Variants in CHD3 observed in about 807,000 individuals in gnomAD.
CHD3 encodes chromodomain helicase DNA binding protein 3.
CHD3 carries 52 observed loss-of-function variants against 248.9 expected under a neutral mutation model. The ratio of observed to expected loss-of-function variants is 0.21; its 90% CI spans 0.17 to 0.26. The LOEUF (loss-of-function observed/expected upper bound fraction) is 0.26. Ranked by LOEUF, CHD3 falls within the 10% of genes least tolerant of loss-of-function variation. CHD3 has a pLI of 1.00. For synonymous variants in CHD3, 985 were observed against 985.2 expected, an observed-to-expected ratio of 1.00 and a Z score of 0.00; for missense variants, 1,482 against 2,605.8, an observed-to-expected ratio of 0.57 and a Z score of 9.39.
Position 7,899,378 on chromosome 17 carries a change from A to G in CHD3, c.2379A>G (p.Pro793=). Residue 793 remains proline (P), a synonymous_variant, in exon 15 of 40, where the codon CCA becomes CCG. Transcript: ENST00000330494. The surrounding 1 kb of genome is among the most constrained non-coding windows in gnomAD (Gnocchi z 6.8). ...HTKGPFLVSA[P]LSTIINWERE... is the part of the protein sequence containing the mutation. ...AAGGTCCCTTCCTGGTGAGTGCCCCACTCTCTACCATCATTAACTGGGAGC... is the reference window on the plus strand; with the variant it reads ...AAGGTCCCTTCCTGGTGAGTGCCCCGCTCTCTACCATCATTAACTGGGAGC... 1 of 1,613,774 alleles carries G rather than the reference A, an allele frequency of 6.2e-7. No individual in the cohort carries two copies. Among genetic ancestry groups the G allele is most frequent in the East Asian group, 2.2e-5 (1 of 44,858 alleles).
At chr17:7,891,177 G>A (rs1968800169) in intron 4 of CHD3, 113 bp downstream of exon 4, 7 of 1,243,036 alleles carry the variant, frequency 5.6e-6, no homozygotes, top group South Asian at 5.5e-5. Context: ...AATTCACGGT[G>A]TATACACACC....
chr17:7,893,404 G>A lies in CHD3; in HGVS notation c.628G>A (p.Ala210Thr), dbSNP rs1969155341. ...CTTCAAGGGGTCAGCAGCTGCTGTG[G>A]CGGCGGCAGCGGCAGCAGCAGCAGC... ...NPFKGSAAAV[A>T]AAAAAAAAAV... Residue 210 changes from alanine to threonine, a missense_variant, in exon 5 of 40, where the codon GCG (alanine) becomes ACG (threonine). Physicochemically the swap from Ala to Thr is moderately conservative, Grantham distance 58 (BLOSUM62 0). Transcript: ENST00000330494. 6.2e-7 allele frequency: 1 copy of A among 1,611,842 alleles called. No individual in the cohort carries two copies. The highest frequency in any genetic ancestry group is 8.5e-7 in the Non-Finnish European group (1 of 1,179,308).
Position 7,889,859 on chromosome 17 carries a change from C to A in CHD3, c.213+83C>A. 7.4e-7 allele frequency: 1 copy of A among 1,343,604 alleles called. No homozygotes were observed. Among genetic ancestry groups the A allele is most frequent in the Non-Finnish European group, 1.0e-6 (1 of 961,484 alleles). 83.2% of individuals were successfully genotyped at this position (1,343,604 alleles called of 1,614,324 possible). ...CCTACATTTTCTCTGGTCCTGATTACTGGTGTGGGGGTGGGGTTCTGAAGC... is the reference window on the plus strand; with the variant it reads ...CCTACATTTTCTCTGGTCCTGATTAATGGTGTGGGGGTGGGGTTCTGAAGC... On this transcript the variant is annotated intron_variant, in intron 2 of 39. Coordinates refer to ENST00000330494, the MANE Select transcript of CHD3 (RefSeq NM_001005273.3). This position sits in a 1 kb window ranked among gnomAD's most constrained non-coding sequence, Gnocchi z 4.5.
rs1299241405 is a variant in CHD3 at position 7,901,380 on chromosome 17, C to T, written c.3252+5C>T. On this transcript the variant is annotated splice_donor_5th_base_variant and intron_variant, in intron 20 of 39. Coordinates refer to ENST00000330494, the MANE Select transcript of CHD3 (RefSeq NM_001005273.3). ...CGAGTGCTCATCTTCTCGCAGGTGACCTGTGCCCTTAGCTGTCTTTACATC... is the reference window on the plus strand; with the variant it reads ...CGAGTGCTCATCTTCTCGCAGGTGATCTGTGCCCTTAGCTGTCTTTACATC... The T allele has an allele frequency of 6.3e-7, 1 of 1,596,530 alleles. No homozygotes were observed. The highest frequency in any genetic ancestry group is 8.6e-7 in the Non-Finnish European group (1 of 1,169,236).
Position 7,904,983 on chromosome 17 carries a change from C to T in CHD3, c.4073-117C>T. 1 of 957,638 alleles carries T rather than the reference C, an allele frequency of 1.0e-6. No individual in the cohort carries two copies. Among genetic ancestry groups the T allele is most frequent in the Non-Finnish European group, 1.7e-6 (1 of 595,408 alleles). 59.3% of individuals were successfully genotyped at this position (957,638 alleles called of 1,614,324 possible). A position where few individuals can be genotyped will look rare whatever the true frequency, so the allele number is the denominator to read the frequency against. On this transcript the variant is annotated intron_variant, in intron 25 of 39. Transcript: ENST00000330494. This position sits in a 1 kb window ranked among gnomAD's most constrained non-coding sequence, Gnocchi z 4.4. ...AGTGATCTGGTGTTCCCAGAAGGAC[C>T]AAGGCCAGAATAAAGGTAGACAAGT...
rs1236440954 is a variant in CHD3, at chr17:7,906,619, C to T, written c.4425C>T (p.Ala1475=). 15 of 1,613,864 alleles carry T rather than the reference C, an allele frequency of 9.3e-6. No individual in the cohort carries two copies. The highest frequency in any genetic ancestry group is 6.7e-5 in the East Asian group (3 of 44,854). Residue 1475 remains alanine (A), a synonymous_variant, in exon 29 of 40, where the codon GCC becomes GCT. Transcript: ENST00000330494. The surrounding 1 kb of genome is among the most constrained non-coding windows in gnomAD (Gnocchi z 5.0). ...GGGCAGACGGCTCTGAAACCTTTGC[C>T]GATGGGGTCCCTCGGGAGGGACTGA... ...EPGADGSETF[A]DGVPREGLSR...
rs762974616 is a variant in CHD3, at chr17:7,906,969, C to A, written c.4604C>A (p.Thr1535Asn). 46 of 1,614,058 alleles carry A rather than the reference C, an allele frequency of 2.8e-5. No homozygotes were observed. The highest frequency in any genetic ancestry group is 3.8e-5 in the Non-Finnish European group (45 of 1,180,034). Residue 1535 changes from threonine (T) to asparagine (N), a missense_variant, in exon 30 of 40, where the codon ACC (threonine) becomes AAC (asparagine). Around this residue, in one of 20 missense-constraint regions of CHD3, gnomAD observed 254 missense variants for 266.7 expected, o/e 0.95. Coordinates refer to ENST00000330494, the MANE Select transcript of CHD3 (RefSeq NM_001005273.3). This position sits in a 1 kb window ranked among gnomAD's most constrained non-coding sequence, Gnocchi z 5.0. ...CGCTCCTCCAGAGCCTCCTCTCCTA[C>A]CAAAACGTCTCCCACCACTCCTGAG... ...SKRSSRASSP[T>N]KTSPTTPEAS... is the part of the protein sequence containing the mutation.
In CHD3 at chr17:7,911,938, C is replaced by A; in HGVS notation, c.*353C>A. On this transcript the variant is annotated 3_prime_UTR_variant, in exon 40 of 40. Coordinates refer to ENST00000330494, the MANE Select transcript of CHD3 (RefSeq NM_001005273.3). This position sits in a 1 kb window ranked among gnomAD's most constrained non-coding sequence, Gnocchi z 5.4. ...AGGTGGAGCCTCCCCAGCCGTTTCC[C>A]TGCAGAATCAGCTCTGTCTCATGTG... 2.6e-6 allele frequency: 1 copy of A among 379,562 alleles called. No homozygotes were observed. The highest frequency in any genetic ancestry group is 4.9e-6 in the Non-Finnish European group (1 of 202,656). 23.5% of individuals were successfully genotyped at this position (379,562 alleles called of 1,614,324 possible).
upstream of CHD3, among the ~76,000 whole-genome samples, chr17:7,887,852 T>G (rs555256217): frequency 6.6e-6 from 1 of 152,324 alleles, no homozygotes; most frequent in Admixed American, 6.5e-5. Flanking sequence ...AGGTTGGGAC[T>G]TAGATTTGCT....
Position 7,902,642 on chromosome 17 carries a change from C to T in CHD3, c.3285C>T (p.Phe1095=). 6.2e-7 allele frequency: 1 copy of T among 1,613,916 alleles called. No individual in the cohort carries two copies. Among genetic ancestry groups the T allele is most frequent in the Non-Finnish European group, 8.5e-7 (1 of 1,179,900 alleles). Reference sequence around the variant, plus strand: ...AAATGTTAGACTTGCTTGAGGACTTCTTAGACTATGAAGGCTACAAGTATG... The same window carrying T: ...AAATGTTAGACTTGCTTGAGGACTTTTTAGACTATGAAGGCTACAAGTATG... ...MTKMLDLLED[F]LDYEGYKYER... The change falls in exon 21 of 40, where the codon TTC becomes TTT. Residue 1095 remains phenylalanine (F), a synonymous_variant. Transcript: ENST00000330494.
rs781636257 is a variant in CHD3 at position 7,894,109 on chromosome 17, G to A, written c.925-6G>A. On this transcript the variant is annotated splice_polypyrimidine_tract_variant and splice_region_variant and intron_variant, in intron 6 of 39. Coordinates refer to ENST00000330494, the MANE Select transcript of CHD3 (RefSeq NM_001005273.3). ...GCCTCACTGACGGCCACGGGGCTAT[G>A]GGCAGTATGTTTTTCAGAGCGACGA... The A allele has an allele frequency of 1.4e-4, 218 of 1,612,732 alleles. 1 individual carries two copies. The highest frequency in any genetic ancestry group is 1.6e-4 in the Non-Finnish European group (191 of 1,179,270).
intron 4 of CHD3, 81 bp downstream of exon 4, chr17:7,891,145 G>A: frequency 6.7e-7 from 1 of 1,495,948 alleles, no homozygotes; most frequent in Admixed American, 1.8e-5. Context: ...TCTGATGAAA[G>A]CTATGAAACT....
chr17:7,895,684 A>T lies in CHD3; in HGVS notation c.1707+142A>T, dbSNP rs553732886. 46 of 699,620 alleles carry T rather than the reference A, an allele frequency of 6.6e-5. No homozygotes were observed. The South Asian group carries it at 8.5e-4, about 13-fold the overall frequency. The allele number at this position is 699,620 out of a possible 1,614,324, so 43.3% of individuals were successfully genotyped here. Reference sequence around the variant, plus strand: ...TGTGGCCTTCATACCCTACTTGCTTAGTTTCCATATGTGGTTCTTTTGGTC... The same window carrying T: ...TGTGGCCTTCATACCCTACTTGCTTTGTTTCCATATGTGGTTCTTTTGGTC... On this transcript the variant is annotated intron_variant, in intron 10 of 39. Transcript: ENST00000330494. This position sits in a 1 kb window ranked among gnomAD's most constrained non-coding sequence, Gnocchi z 4.9.
chr17:7,904,348 A>G lies in CHD3; in HGVS notation c.3895-94A>G. The G allele has an allele frequency of 2.5e-6, 3 of 1,217,560 alleles. No homozygotes were observed. Among genetic ancestry groups the G allele is most frequent in the Admixed American group, 2.0e-5 (1 of 49,004 alleles). 75.4% of individuals were successfully genotyped at this position (1,217,560 alleles called of 1,614,324 possible). ...GAAGCTGCAGGAGTGGGGAGACCGG[A>G]TTGGGCTGACGCAGCAGAGTAGGGA... is the stretch of plus-strand genomic sequence containing the variant. On this transcript the variant is annotated intron_variant, in intron 24 of 39. Coordinates refer to ENST00000330494, the MANE Select transcript of CHD3 (RefSeq NM_001005273.3). This position sits in a 1 kb window ranked among gnomAD's most constrained non-coding sequence, Gnocchi z 4.4.
Position 7,907,624 on chromosome 17 carries a change from AG to A in CHD3, c.4954del (p.Glu1652ArgfsTer27). On this transcript the variant is annotated frameshift_variant, in exon 33 of 40. Transcript: ENST00000330494. LOFTEE classifies it high-confidence loss of function. This position sits in a 1 kb window ranked among gnomAD's most constrained non-coding sequence, Gnocchi z 4.3. Reference protein sequence around the residue: ...KSATESTPGERGEEKPLDGQE... With the variant: ...KSATESTPGEXGEEKPLDGQE... ...AGCCACAGAGTCGACGCCAGGAGAAAGGGGGGAGGAGAAGCCGTTGGATGGA... is the reference window on the plus strand; with the variant it reads ...AGCCACAGAGTCGACGCCAGGAGAAAGGGGGAGGAGAAGCCGTTGGATGGA... The A allele has an allele frequency of 2.6e-6, 4 of 1,518,976 alleles. No individual in the cohort carries two copies. Among genetic ancestry groups the A allele is most frequent in the Admixed American group, 2.6e-5 (1 of 38,412 alleles). 94.1% of individuals were successfully genotyped at this position (1,518,976 alleles called of 1,614,324 possible).
chr17:7,903,388 G>A lies in CHD3; in HGVS notation c.3612G>A (p.Leu1204=). ...ITQVAKRKMM[L]THLVVRPGLG... is the part of the protein sequence containing the mutation. ...AAGTGGCCAAGAGAAAGATGATGCT[G>A]ACACACCTGGTTGTGCGGCCTGGGC... Residue 1204 remains leucine (L), a synonymous_variant, in exon 23 of 40, where the codon CTG becomes CTA. Transcript: ENST00000330494. The surrounding 1 kb of genome is among the most constrained non-coding windows in gnomAD (Gnocchi z 6.8). The A allele has an allele frequency of 2.5e-6, 4 of 1,614,214 alleles. No homozygotes were observed. The highest frequency in any genetic ancestry group is 3.4e-6 in the Non-Finnish European group (4 of 1,180,040).
chr17:7,896,313 G>T (rs1969646572), intron 10 of CHD3, among the ~76,000 whole-genome samples: 1 of 149,712 alleles, frequency 6.7e-6, no homozygotes, highest in African/African-American at 2.5e-5. Context: ...CCCAGGCCTT[G>T]TCTTCTGAAA....
Position 7,890,750 on chromosome 17 carries a change from A to G in CHD3, c.384+9A>G. The stretch of plus-strand genomic sequence containing the variant: ...GAGATGGGGGGCAAAAGGTGAGTAG[A>G]ATTAGGGAATGAGAGTGAGAAATCT... On this transcript the variant is annotated intron_variant, in intron 3 of 39. Transcript: ENST00000330494. The G allele has an allele frequency of 6.3e-7, 1 of 1,591,158 alleles. No individual in the cohort carries two copies. Among genetic ancestry groups the G allele is most frequent in the Non-Finnish European group, 8.5e-7 (1 of 1,170,690 alleles).
In CHD3 at chr17:7,907,443, G is replaced by A. The variant is rs1971117789; in HGVS notation, c.4879G>A (p.Glu1627Lys). The change falls in exon 32 of 40, where the codon GAG (glutamate) becomes AAG (lysine). Residue 1627 changes from glutamate (E) to lysine (K), a missense_variant. This residue lies in a region of CHD3 where 254 missense variants were observed against 266.7 expected (regional missense o/e 0.95). Coordinates refer to ENST00000330494, the MANE Select transcript of CHD3 (RefSeq NM_001005273.3). This position sits in a 1 kb window ranked among gnomAD's most constrained non-coding sequence, Gnocchi z 4.3. ...LEDEVPGVPG[E>K]MEPEPGYRGD... ...GGATGAGGTGCCAGGGGTGCCTGGA[G>A]AGATGGAGCCTGAACCTGGGTACCG... The A allele has an allele frequency of 2.5e-6, 4 of 1,610,966 alleles. No homozygotes were observed. Among genetic ancestry groups the A allele is most frequent in the Non-Finnish European group, 3.4e-6 (4 of 1,178,500 alleles).
Sources: gnomAD v4.1 joint callset for allele counts (sites outside exome capture counted in the v4.1 genomes callset) on GRCh38, gnomAD v4.1.1 for gene constraint, gnomAD v4.1.1 regional missense constraint, Gnocchi (gnomAD v3.1) non-coding constraint, MANE v1.5 for transcripts, NCBI Gene and HGNC (gene_info 2026-07-23, HGNC 2026-07-21) for gene names.